ADAMTSL2: variants seen among roughly 807,000 people sequenced by gnomAD.
ADAMTSL2 encodes the protein ADAMTS like 2.
A neutral mutation model predicts 117.0 loss-of-function variants in ADAMTSL2; 55 were observed. The observed-to-expected ratio is 0.47, with a 90% confidence interval of 0.38 to 0.59. The LOEUF (loss-of-function observed/expected upper bound fraction) is 0.59, where lower values mean the gene tolerates loss of function less well. Ranked by LOEUF, ADAMTSL2 falls within the 20% of genes least tolerant of loss-of-function variation. The pLI, the probability that ADAMTSL2 is intolerant of heterozygous loss-of-function variation, is 0.00. For synonymous variants in ADAMTSL2, 572 were observed against 566.4 expected, an observed-to-expected ratio of 1.01 and a Z score of -0.14; for missense variants, 1,182 against 1,354.5, an observed-to-expected ratio of 0.87 and a Z score of 2.00.
At chr9:133,539,680 C>CCGGCTGTCCCGGCTGTCT in intron 4 of ADAMTSL2, 91 bp from the exon 5 acceptor site, 1 of 1,335,464 alleles carries the variant, frequency 7.5e-7, no homozygotes. Flanking sequence ...CCCGGCTGTC[C>CCGGCTGTCCCGGCTGTCT]CGGCTGCAGC....
At chr9:133,551,374 T>A (rs1588290479) in intron 9 of ADAMTSL2, among the ~76,000 whole-genome samples, 1 of 151,804 alleles carries the variant, frequency 6.6e-6, no homozygotes. Context: ...GGAGTTTGGG[T>A]CCCTTGCTGA....
intron 12 of ADAMTSL2, among the ~76,000 whole-genome samples, chr9:133,564,607 GGAGA>G (rs1167737780): frequency 6.8e-4 from 14 of 20,540 alleles, no homozygotes; most frequent in East Asian, 2.4e-3. Context: ...GGAGAGAGAG[GGAGA>G]GAGAGAGAGA....
chr9:133,555,876 C>T lies in ADAMTSL2; in HGVS notation c.1595C>T (p.Pro532Leu). Residue 532 changes from proline to leucine, a missense_variant, in exon 11 of 19, where the codon CCC becomes CTC. By Grantham distance (98) the Pro-to-Leu change is moderately conservative (BLOSUM62 -3). Transcript: ENST00000651351. ...VANSSSEAPF[P>L]NVSTSLLTSA... ...AACAGCTCCTCCGAGGCCCCATTCC[C>T]CAACGTTAGCACCAGCCTGCTCACC... 2.5e-6 allele frequency: 4 copies of T among 1,613,244 alleles called. No individual in the cohort carries two copies. Among genetic ancestry groups the T allele is most frequent in the Non-Finnish European group, 3.4e-6 (4 of 1,179,974 alleles).
chr9:133,574,206 G>T (rs1444379711), intron 18 of ADAMTSL2, among the ~76,000 whole-genome samples: 1 of 152,166 alleles, frequency 6.6e-6, no homozygotes, highest in East Asian at 1.9e-4. Context: ...GCCTGACTGG[G>T]GCTCCATGGC....
At chr9:133,539,205 G>A (rs1409764489) in intron 4 of ADAMTSL2, among the ~76,000 whole-genome samples, 1 of 152,204 alleles carries the variant, frequency 6.6e-6, no homozygotes, top group Non-Finnish European at 1.5e-5. Flanking sequence ...CAGGGTTGGG[G>A]GAGGGGCATT....
chr9:133,556,336 G>C (rs958794724), intron 11 of ADAMTSL2, among the ~76,000 whole-genome samples: 2 of 152,324 alleles, frequency 1.3e-5, no homozygotes, highest in East Asian at 3.9e-4. Flanking sequence ...ATTTGCTATT[G>C]TGGGCTCAGA....
At chr9:133,569,773 A>C (rs1451758826) in intron 16 of ADAMTSL2, among the ~76,000 whole-genome samples, 195 bp downstream of exon 16, 1 of 152,252 alleles carries the variant, frequency 6.6e-6, no homozygotes, top group African/African-American at 2.4e-5. Context: ...CAAGTCCCCA[A>C]ATCTCAATTT....
At position 133,538,842 on chromosome 9, in the gene ADAMTSL2, C is replaced by T. The variant is rs112294634; in HGVS notation, c.309+418C>T. Among the ~76,000 whole-genome samples the T allele has an allele frequency of 2.5e-3, 383 of 152,244 alleles. 1 individual carries two copies. Among genetic ancestry groups the T allele is most frequent in the Admixed American group, 6.1e-3 (93 of 15,292 alleles). ...ATAAAACAGTTCCCTGGGTTGCTCT[C>T]GGAGCCCTTCTGCTCCAGCCCCCAT... On this transcript the variant is annotated intron_variant, in intron 4 of 18. Coordinates refer to ENST00000651351, the MANE Select transcript of ADAMTSL2 (RefSeq NM_014694.4).
chr9:133,569,919 C>T (rs1266294237), intron 16 of ADAMTSL2, among the ~76,000 whole-genome samples: 1 of 152,244 alleles, frequency 6.6e-6, no homozygotes, highest in East Asian at 1.9e-4. Flanking sequence ...GACCTCTGAT[C>T]GTGACCAGTG....
intron 7 of ADAMTSL2, among the ~76,000 whole-genome samples, 172 bp downstream of exon 7, chr9:133,541,173 C>T (rs1406438284): frequency 2.0e-5 from 3 of 152,162 alleles, no homozygotes; most frequent in African/African-American, 7.2e-5. Flanking sequence ...TGTAGGCCTC[C>T]GTTGGCTTGC....
At chr9:133,560,208 G>A (rs1009635) in intron 11 of ADAMTSL2, among the ~76,000 whole-genome samples, 82,671 of 152,052 alleles carry the variant, frequency 0.54, 23,596 homozygotes, top group African/African-American at 0.63. Flanking sequence ...GAAGTATGGC[G>A]GCTTGGGGTC....
At chr9:133,536,902 G>A (rs924812770) in intron 2 of ADAMTSL2, 100 bp downstream of exon 2, 10 of 1,563,972 alleles carry the variant, frequency 6.4e-6, no homozygotes, top group African/African-American at 1.3e-5. Flanking sequence ...GTGTGGGCAC[G>A]TGCCCCAGGT....
chr9:133,571,006 G>A (rs1459139290), intron 17 of ADAMTSL2, among the ~76,000 whole-genome samples: 3 of 152,302 alleles, frequency 2.0e-5, no homozygotes, highest in East Asian at 3.9e-4. Flanking sequence ...CTCCTGCACG[G>A]GTCTGGCCCC....
At chr9:133,548,637 G>A (rs1239998024) in intron 9 of ADAMTSL2, among the ~76,000 whole-genome samples, 1 of 151,994 alleles carries the variant, frequency 6.6e-6, no homozygotes, top group Non-Finnish European at 1.5e-5. Flanking sequence ...GCCCCCTGGG[G>A]GTCGCATTAT....
rs1831081805 is a variant in ADAMTSL2, at chr9:133,570,527, C to T, written c.2592+20C>T. On this transcript the variant is annotated intron_variant, in intron 17 of 18. Transcript: ENST00000651351. ...TCAGAGGTGAGCTCCCAGCCGGCCCCTCTGAGGTTGCCTGAGGCCAGACCT... is the reference window on the plus strand; with the variant it reads ...TCAGAGGTGAGCTCCCAGCCGGCCCTTCTGAGGTTGCCTGAGGCCAGACCT... 6.2e-7 allele frequency: 1 copy of T among 1,605,486 alleles called. No homozygotes were observed. Among genetic ancestry groups the T allele is most frequent in the Middle Eastern group, 1.7e-4 (1 of 6,052 alleles).
At chr9:133,538,253 G>A (rs1830100054) in intron 3 of ADAMTSL2, 96 bp from the exon 4 acceptor site, 9 of 1,440,040 alleles carry the variant, frequency 6.2e-6, no homozygotes, top group East Asian at 4.5e-5. Context: ...CACGGGTATC[G>A]GGAGATTCTG....
rs2131181315 is a variant in ADAMTSL2, at chr9:133,568,767, T to C, written c.2244+9T>C. On this transcript the variant is annotated intron_variant, in intron 15 of 18. Transcript: ENST00000651351. ...TCTCCGACTGGGGACCGGTGAGGCC[T>C]GCACTGAGGGGTGGCTGGGCGTGCG... 1 of 1,612,890 alleles carries C rather than the reference T, an allele frequency of 6.2e-7. No homozygotes were observed. Among genetic ancestry groups the C allele is most frequent in the East Asian group, 2.2e-5 (1 of 44,884 alleles).
chr9:133,551,853 G>A (rs1003063233), intron 9 of ADAMTSL2, among the ~76,000 whole-genome samples: 1 of 138,720 alleles, frequency 7.2e-6, no homozygotes, highest in African/African-American at 2.8e-5. Flanking sequence ...TTTTTGAGAT[G>A]GAGTCTTACC....
chr9:133,551,227 C>G (rs1830474350), intron 9 of ADAMTSL2, among the ~76,000 whole-genome samples: 1 of 152,210 alleles, frequency 6.6e-6, no homozygotes, highest in Admixed American at 6.5e-5. Flanking sequence ...AGCTTGCACC[C>G]TCAGGGCATG....
Sources: gnomAD v4.1 joint callset for allele counts (sites outside exome capture counted in the v4.1 genomes callset) on GRCh38, gnomAD v4.1.1 for gene constraint, MANE v1.5 for transcripts, NCBI Gene and HGNC (gene_info 2026-07-23, HGNC 2026-07-21) for gene names.